Variants in EIF4G3 observed in about 807,000 individuals in gnomAD.
EIF4G3 encodes the protein eIF-4-gamma 3.
Under a neutral mutation model 186.4 loss-of-function variants are expected in EIF4G3, and 34 were observed. The observed-to-expected ratio is 0.18, with a 90% confidence interval of 0.14 to 0.24. The LOEUF is 0.24. Ranked by LOEUF, EIF4G3 falls within the 10% of genes least tolerant of loss-of-function variation. The pLI, the probability that EIF4G3 is intolerant of heterozygous loss-of-function variation, is 1.00. For synonymous variants in EIF4G3, 673 were observed against 679.5 expected (o/e 0.99, Z 0.15); for missense variants, 1,536 against 1,948.5 (o/e 0.79, Z 3.99).
intron 5 of EIF4G3, among the ~76,000 whole-genome samples, chr1:21,002,474 T>C (rs1186419727): frequency 6.6e-6 from 1 of 152,208 alleles, no homozygotes; most frequent in East Asian, 1.9e-4. Flanking sequence ...TAGAAAAGTA[T>C]TAAAAGGGAG....
chr1:21,102,656 C>A (rs2096548116), intron 2 of EIF4G3, among the ~76,000 whole-genome samples: 2 of 152,134 alleles, frequency 1.3e-5, no homozygotes, highest in African/African-American at 2.4e-5. Context: ...TTGACACCCT[C>A]CCACCACCTT....
intron 2 of EIF4G3, among the ~76,000 whole-genome samples, chr1:21,146,486 C>T (rs931229338): frequency 2.6e-5 from 4 of 152,162 alleles, no homozygotes; most frequent in East Asian, 3.9e-4. Context: ...ATTGGCTGGG[C>T]GGGGTGGCTC....
At chr1:21,099,132 G>C (rs10916933) in intron 2 of EIF4G3, among the ~76,000 whole-genome samples, 1 of 152,160 alleles carries the variant, frequency 6.6e-6, no homozygotes, top group African/African-American at 2.4e-5. Flanking sequence ...GTGCTGATAA[G>C]GATGAGGAGC....
At position 20,941,656 on chromosome 1, in the gene EIF4G3, C is replaced by T. The variant is rs978497934; in HGVS notation, c.1498G>A (p.Ala500Thr). The change falls in exon 14 of 37, where the codon GCT becomes ACT. Residue 500 changes from alanine (A) to threonine (T), a missense_variant. This residue lies in a region of EIF4G3 where 560 missense variants were observed against 547.8 expected (regional missense o/e 1.02). Coordinates refer to ENST00000602326, the MANE Select transcript of EIF4G3 (RefSeq NM_001391906.1). The part of the protein sequence containing the change: ...AAATTVSSPS[A>T]AITVQRVLEE... Reference sequence around the variant, plus strand: ...AGGACTCTCTGGACTGTGATGGCAGCACTCGGAGAACTAACAGTAGTGGCA... The same window carrying T: ...AGGACTCTCTGGACTGTGATGGCAGTACTCGGAGAACTAACAGTAGTGGCA... 2 of 1,613,952 alleles carry T rather than the reference C, an allele frequency of 1.2e-6. No homozygotes were observed. The highest frequency in any genetic ancestry group is 2.7e-5 in the African/African-American group (2 of 75,014).
intron 23 of EIF4G3, among the ~76,000 whole-genome samples, chr1:20,861,731 T>C (rs569572585): frequency 1.3e-5 from 2 of 152,314 alleles, no homozygotes; most frequent in South Asian, 4.1e-4. Flanking sequence ...CCCAGCACTT[T>C]GGGAGGCTGA....
At chr1:21,060,403 A>C (rs1451750863) in intron 3 of EIF4G3, among the ~76,000 whole-genome samples, 1 of 152,238 alleles carries the variant, frequency 6.6e-6, no homozygotes, top group African/African-American at 2.4e-5. Flanking sequence ...TGAATTAATC[A>C]AGAGACAAAT....
intron 33 of EIF4G3, among the ~76,000 whole-genome samples, chr1:20,819,727 A>C (rs1187624973): frequency 6.6e-6 from 1 of 152,154 alleles, no homozygotes; most frequent in Non-Finnish European, 1.5e-5. Flanking sequence ...AAAATAACTA[A>C]TAGGTACTAG....
At chr1:21,143,457 A>C (rs1462334851) in intron 2 of EIF4G3, among the ~76,000 whole-genome samples, 1 of 152,194 alleles carries the variant, frequency 6.6e-6, no homozygotes, top group Non-Finnish European at 1.5e-5. Context: ...ATTTTAGTTA[A>C]AATTTAAAAT....
chr1:20,909,272 G>C (rs17410070), intron 14 of EIF4G3, among the ~76,000 whole-genome samples: 4,179 of 152,226 alleles, frequency 0.027, 89 homozygotes, highest in Non-Finnish European at 0.038. Flanking sequence ...GAACTATTCT[G>C]TGTAGACACA....
chr1:21,032,782 AAAAAAACGGAGTG>A (rs1173638392), intron 4 of EIF4G3, among the ~76,000 whole-genome samples: 2 of 152,156 alleles, frequency 1.3e-5, no homozygotes, highest in Admixed American at 1.3e-4. Flanking sequence ...ATAGCTTTTA[AAAAAAACGGAGTG>A]AAAAAAGGGA....
chr1:20,900,795 G>A (rs1452622934), intron 15 of EIF4G3, among the ~76,000 whole-genome samples: 2 of 152,142 alleles, frequency 1.3e-5, no homozygotes, highest in Admixed American at 6.5e-5. Context: ...AAATTCACAC[G>A]AGGAGAAGAG....
chr1:20,842,823 T>C (rs889307111), intron 29 of EIF4G3, among the ~76,000 whole-genome samples: 5 of 151,976 alleles, frequency 3.3e-5, no homozygotes, highest in Admixed American at 3.3e-4. Flanking sequence ...CCCTGGTCTC[T>C]TCATCCTTGT....
chr1:21,015,757 A>G (rs77777443), intron 4 of EIF4G3, among the ~76,000 whole-genome samples: 1 of 806 alleles, frequency 1.2e-3, no homozygotes, highest in African/African-American at 1.5e-3. Context: ...GAAAGGAAAG[A>G]AAAAAAAAAA....
At chr1:20,904,756 C>T (rs957211342) in intron 15 of EIF4G3, 127 bp downstream of exon 15, 12 of 525,408 alleles carry the variant, frequency 2.3e-5, no homozygotes, top group Non-Finnish European at 2.9e-5. Flanking sequence ...GGACTTAAAA[C>T]AATTAGTCTC....
chr1:20,880,612 G>C (rs891600136), intron 19 of EIF4G3, among the ~76,000 whole-genome samples: 1 of 152,134 alleles, frequency 6.6e-6, no homozygotes, highest in Non-Finnish European at 1.5e-5. Context: ...TTAGCTGGGT[G>C]TGGTGGTGCA....
At chr1:21,118,024 T>G (rs1252463908) in intron 2 of EIF4G3, among the ~76,000 whole-genome samples, 1 of 152,202 alleles carries the variant, frequency 6.6e-6, no homozygotes, top group Non-Finnish European at 1.5e-5. Flanking sequence ...CACTGAGAAA[T>G]CCACAGAGGA....
chr1:21,041,894 A>G (rs1305247399), intron 4 of EIF4G3, among the ~76,000 whole-genome samples: 1 of 152,218 alleles, frequency 6.6e-6, no homozygotes, highest in Admixed American at 6.5e-5. Context: ...AAGCATGACT[A>G]GACATTAGAG....
At chr1:21,122,084 C>A (rs2096935564) in intron 2 of EIF4G3, among the ~76,000 whole-genome samples, 1 of 152,142 alleles carries the variant, frequency 6.6e-6, no homozygotes, top group Non-Finnish European at 1.5e-5. Context: ...AGCTCCAGTC[C>A]CAACAAAGCC....
At chr1:20,815,856 GC>G (rs1367294997) in intron 34 of EIF4G3, among the ~76,000 whole-genome samples, 16 of 113,892 alleles carry the variant, frequency 1.4e-4, no homozygotes, top group Admixed American at 1.1e-3. Flanking sequence ...CCGGCCAGCC[GC>G]CCCGTCCGGG....
Sources: gnomAD v4.1 joint callset for allele counts (sites outside exome capture counted in the v4.1 genomes callset) on GRCh38, gnomAD v4.1.1 for gene constraint, gnomAD v4.1.1 regional missense constraint, MANE v1.5 for transcripts, NCBI Gene and HGNC (gene_info 2026-07-23, HGNC 2026-07-21) for gene names.